The following CAMK2B variants were observed in gnomAD, a reference collection of about 807,000 sequenced individuals.
CAMK2B encodes calcium/calmodulin-dependent protein kinase type II subunit beta.
A neutral mutation model predicts 93.7 loss-of-function variants in CAMK2B; 27 were observed. The observed-to-expected ratio is 0.29, with a 90% CI of 0.21 to 0.40. The LOEUF (loss-of-function observed/expected upper bound fraction) is 0.40, where lower values mean the gene tolerates loss of function less well. Ranked by LOEUF, CAMK2B falls within the 10% of genes least tolerant of loss-of-function variation. CAMK2B has a pLI of 1.00. For synonymous variants in CAMK2B, 374 were observed against 358.8 expected, an observed-to-expected ratio of 1.04 and a Z score of -0.48; for missense variants, 568 against 895.8, an observed-to-expected ratio of 0.63 and a Z score of 4.67.
intron 4 of CAMK2B, among the ~76,000 whole-genome samples, chr7:44,257,313 C>G (rs746031636): frequency 6.6e-6 from 1 of 152,206 alleles, no homozygotes; most frequent in African/African-American, 2.4e-5. Flanking sequence ...AGGGTCCTTC[C>G]TGACTCGCCA....
intron 5 of CAMK2B, among the ~76,000 whole-genome samples, chr7:44,253,632 C>A (rs911633942): frequency 6.6e-6 from 1 of 150,416 alleles, no homozygotes; most frequent in Non-Finnish European, 1.5e-5. Context: ...GGGTCTTGCT[C>A]TGTCACCCAG....
chr7:44,276,951 G>A (rs996264382), intron 2 of CAMK2B, among the ~76,000 whole-genome samples: 9 of 152,212 alleles, frequency 5.9e-5, no homozygotes, highest in African/African-American at 1.2e-4. Flanking sequence ...AGACAGCGTC[G>A]ATGATGCCAG....
chr7:44,324,669 G>A (rs985277952), intron 1 of CAMK2B, among the ~76,000 whole-genome samples: 3 of 152,022 alleles, frequency 2.0e-5, no homozygotes, highest in African/African-American at 7.2e-5. Flanking sequence ...CCTGAAATTT[G>A]CAATCCAGTC....
At chr7:44,290,705 G>A (rs1048183643) in intron 1 of CAMK2B, among the ~76,000 whole-genome samples, 1 of 152,224 alleles carries the variant, frequency 6.6e-6, no homozygotes, top group Non-Finnish European at 1.5e-5. Context: ...AGTGCCAGAG[G>A]GGGAGGTCTT....
chr7:44,293,091 C>A (rs1368987610), intron 1 of CAMK2B, among the ~76,000 whole-genome samples: 1 of 152,148 alleles, frequency 6.6e-6, no homozygotes, highest in Non-Finnish European at 1.5e-5. Flanking sequence ...CGTGCCCCTC[C>A]CATCAGAGCC....
chr7:44,220,867 C>A lies in CAMK2B; in HGVS notation c.1632G>T (p.Gln544His). 1 of 1,573,506 alleles carries A rather than the reference C, an allele frequency of 6.4e-7. No individual in the cohort carries two copies. ...CACCGTTGTTGACGGCCTCGATGAGCTGCTCCGTGGTCTTAATGATCTCCT... is the reference window on the plus strand; with the variant it reads ...CACCGTTGTTGACGGCCTCGATGAGATGCTCCGTGGTCTTAATGATCTCCT... The part of the protein sequence containing the change: ...RKQEIIKTTE[Q>H]LIEAVNNGDF... The change falls in exon 21 of 24, where the codon CAG becomes CAT. Residue 544 changes from glutamine (Q) to histidine (H), a missense_variant. This residue lies in a region of CAMK2B where 116 missense variants were observed against 188.0 expected (regional missense o/e 0.62). Transcript: ENST00000395749.
Position 44,283,047 on chromosome 7 carries a change from G to C in CAMK2B, c.160+1084C>G, listed in dbSNP as rs545899764. On this transcript the variant is annotated intron_variant, in intron 2 of 23. Transcript: ENST00000395749. ...ATGGAACCCCACCATACGGGGCAGT[G>C]ACATGGGGCTGCCACCTCAGTGAGG... Among the ~76,000 whole-genome samples the C allele has an allele frequency of 3.9e-5, 6 of 152,318 alleles. No homozygotes were observed. The South Asian group carries it at 1.2e-3, about 32-fold the overall frequency.
At chr7:44,325,639 G>T, upstream of CAMK2B, 1 of 151,232 alleles carries the variant, frequency 6.6e-6, no homozygotes, top group South Asian at 1.8e-4. Context: ...CCTACGCGCG[G>T]GGAGGCGCGG....
rs1192218723 is a variant in CAMK2B at position 44,286,989 on chromosome 7, G to A, written c.66-2764C>T. ...GCAGGGACCAGGGGTGCAGGGCCCG[G>A]GGGTGAAGAAGGCCCTGCTCTTGGA... On this transcript the variant is annotated intron_variant, in intron 1 of 23. Coordinates refer to ENST00000395749, the MANE Select transcript of CAMK2B (RefSeq NM_001220.5). This position sits in a 1 kb window ranked among gnomAD's most constrained non-coding sequence, Gnocchi z 4.0. 6.6e-6 allele frequency among the ~76,000 whole-genome samples: 1 copy of A among 152,172 alleles called. No individual in the cohort carries two copies. The highest frequency in any genetic ancestry group is 2.4e-5 in the African/African-American group (1 of 41,440).
At chr7:44,247,857 G>A (rs113938609) in intron 5 of CAMK2B, among the ~76,000 whole-genome samples, 3,879 of 152,184 alleles carry the variant, frequency 0.025, 172 homozygotes, top group African/African-American at 0.089. Context: ...GCGAAACCCC[G>A]TCTCTACTAA....
intron 1 of CAMK2B, among the ~76,000 whole-genome samples, chr7:44,323,580 G>A (rs957260652): frequency 2.0e-5 from 3 of 152,314 alleles, no homozygotes; most frequent in Admixed American, 1.3e-4. Flanking sequence ...AGGGAGGCTC[G>A]CAGCAAAGGG....
At chr7:44,287,606 T>C (rs1429351599) in intron 1 of CAMK2B, among the ~76,000 whole-genome samples, 1 of 152,214 alleles carries the variant, frequency 6.6e-6, no homozygotes, top group African/African-American at 2.4e-5. Flanking sequence ...CATCTCTGAC[T>C]TCTCCAAGAG....
chr7:44,302,907 A>ATAATAATAAT lies in CAMK2B; in HGVS notation c.66-18683_66-18682insATTATTATTA, dbSNP rs1584793672. On this transcript the variant is annotated intron_variant, in intron 1 of 23. Coordinates refer to ENST00000395749, the MANE Select transcript of CAMK2B (RefSeq NM_001220.5). ...GACATCTTACTGGAAGTCCTAGCTAACATAATAAGGCAAGAAAAGGAAATA... is the reference window on the plus strand; with the variant it reads ...GACATCTTACTGGAAGTCCTAGCTAATAATAATAATCATAATAAGGCAAGAAAAGGAAATA... 2.0e-5 allele frequency among the ~76,000 whole-genome samples: 3 copies of ATAATAATAAT among 152,176 alleles called. No homozygotes were observed. The East Asian group carries it at 5.8e-4, about 29-fold the overall frequency.
chr7:44,283,093 C>T (rs1179704679), intron 2 of CAMK2B, among the ~76,000 whole-genome samples: 1 of 152,246 alleles, frequency 6.6e-6, no homozygotes, highest in Non-Finnish European at 1.5e-5. Context: ...TTCCTGCACC[C>T]ACCTCCACAG....
chr7:44,306,310 T>C (rs1584824791), intron 1 of CAMK2B, among the ~76,000 whole-genome samples: 1 of 152,106 alleles, frequency 6.6e-6, no homozygotes, highest in South Asian at 2.1e-4. Flanking sequence ...TTCTGCTCAT[T>C]CTGTATCAGC....
chr7:44,263,330 T>G (rs1445761700), intron 2 of CAMK2B, among the ~76,000 whole-genome samples: 1 of 152,266 alleles, frequency 6.6e-6, no homozygotes, highest in Admixed American at 6.5e-5. Context: ...AAAGTTTCCC[T>G]GGATGATTCT....
chr7:44,265,501 C>A (rs1383958533), intron 2 of CAMK2B, among the ~76,000 whole-genome samples: 1 of 152,222 alleles, frequency 6.6e-6, no homozygotes, highest in Non-Finnish European at 1.5e-5. Flanking sequence ...GGAACCAGGG[C>A]ACGTAGTTTC....
At chr7:44,306,004 G>A (rs537210727) in intron 1 of CAMK2B, among the ~76,000 whole-genome samples, 1 of 152,294 alleles carries the variant, frequency 6.6e-6, no homozygotes, top group South Asian at 2.1e-4. Context: ...GACTGCAAGG[G>A]GGGATGATGT....
At chr7:44,241,198 G>A (rs1337786587) in intron 11 of CAMK2B, among the ~76,000 whole-genome samples, 2 of 152,170 alleles carry the variant, frequency 1.3e-5, no homozygotes, top group Admixed American at 6.5e-5. Flanking sequence ...CACAAGTAGA[G>A]GGACTGCCAG....
Sources: gnomAD v4.1 joint callset for allele counts (sites outside exome capture counted in the v4.1 genomes callset) on GRCh38, gnomAD v4.1.1 for gene constraint, gnomAD v4.1.1 regional missense constraint, Gnocchi (gnomAD v3.1) non-coding constraint, MANE v1.5 for transcripts, NCBI Gene and HGNC (gene_info 2026-07-23, HGNC 2026-07-21) for gene names.